Variants in ATXN1 observed in about 807,000 individuals in gnomAD.
ATXN1 encodes the protein ataxin-1.
Under a neutral mutation model 56.4 loss-of-function variants are expected in ATXN1, and 8 were observed. The observed-to-expected ratio is 0.14, with a 90% CI of 0.08 to 0.26. The LOEUF (loss-of-function observed/expected upper bound fraction) is 0.26, where lower values mean the gene tolerates loss of function less well. Among genes scored for constraint, ATXN1 ranks in the 10% least tolerant of loss-of-function variants. The probability of loss-of-function intolerance (pLI) is 1.00; values close to 1 mark genes in which losing one functional copy is unlikely to be tolerated. For synonymous variants in ATXN1, 514 were observed against 494.6 expected, an observed-to-expected ratio of 1.04 and a Z score of -0.52; for missense variants, 987 against 1,106.5, an observed-to-expected ratio of 0.89 and a Z score of 1.53.
intron 1 of ATXN1, among the ~76,000 whole-genome samples, chr6:16,754,361 C>T (rs1215880904): frequency 3.3e-5 from 5 of 152,070 alleles, no homozygotes; most frequent in East Asian, 3.9e-4. Flanking sequence ...CCTAAGCTCA[C>T]GCCAGGTAAC....
At chr6:16,650,838 C>G (rs1763880221) in intron 3 of ATXN1, among the ~76,000 whole-genome samples, 1 of 152,182 alleles carries the variant, frequency 6.6e-6, no homozygotes. Flanking sequence ...CTTTTTCTGT[C>G]TATAAATCCT....
At chr6:16,711,719 G>T (rs1759528597) in intron 2 of ATXN1, among the ~76,000 whole-genome samples, 1 of 152,018 alleles carries the variant, frequency 6.6e-6, no homozygotes, top group Non-Finnish European at 1.5e-5. Context: ...CCAGGCTCAA[G>T]TGATCCTCCC....
At chr6:16,468,773 G>A (rs1760159009) in intron 6 of ATXN1, among the ~76,000 whole-genome samples, 1 of 152,090 alleles carries the variant, frequency 6.6e-6, no homozygotes, top group Admixed American at 6.5e-5. Flanking sequence ...GCTGATATTG[G>A]AAATATTGAG....
chr6:16,405,249 T>C (rs778274803), intron 6 of ATXN1, among the ~76,000 whole-genome samples: 6 of 152,246 alleles, frequency 3.9e-5, no homozygotes, highest in Non-Finnish European at 7.3e-5. Context: ...ACACAGTCTC[T>C]ACCATTAAGG....
At chr6:16,557,776 T>C (rs976796379) in intron 4 of ATXN1, among the ~76,000 whole-genome samples, 1 of 152,124 alleles carries the variant, frequency 6.6e-6, no homozygotes, top group Non-Finnish European at 1.5e-5. Context: ...GACGGCCACC[T>C]AAAAAAATAT....
At chr6:16,344,490 C>A (rs746703326) in intron 6 of ATXN1, among the ~76,000 whole-genome samples, 1 of 152,202 alleles carries the variant, frequency 6.6e-6, no homozygotes, top group Non-Finnish European at 1.5e-5. Flanking sequence ...GGCAGAAGAA[C>A]GTAGAAGGAC....
At chr6:16,491,795 G>A (rs1760671031) in intron 5 of ATXN1, among the ~76,000 whole-genome samples, 1 of 152,090 alleles carries the variant, frequency 6.6e-6, no homozygotes, top group Non-Finnish European at 1.5e-5. Flanking sequence ...AGATTATCTT[G>A]GTGAGCCTGA....
intron 2 of ATXN1, among the ~76,000 whole-genome samples, chr6:16,736,114 A>T (rs1214074129): frequency 6.6e-6 from 1 of 152,246 alleles, no homozygotes; most frequent in East Asian, 1.9e-4. Flanking sequence ...AAACTCCAGA[A>T]TTCACTGATA....
At chr6:16,729,412 ACTT>A (rs1472917612) in intron 2 of ATXN1, among the ~76,000 whole-genome samples, 2 of 152,072 alleles carry the variant, frequency 1.3e-5, no homozygotes, top group African/African-American at 4.8e-5. Flanking sequence ...TCTCATCTAA[ACTT>A]GGGAGCTGCT....
chr6:16,605,946 G>GT (rs1762996962), intron 3 of ATXN1, among the ~76,000 whole-genome samples: 2 of 152,116 alleles, frequency 1.3e-5, no homozygotes, highest in Admixed American at 1.3e-4. Context: ...TGGGAAACAT[G>GT]TGAGACCCTA....
intron 6 of ATXN1, among the ~76,000 whole-genome samples, chr6:16,437,673 C>T (rs898413766): frequency 6.6e-6 from 1 of 152,198 alleles, no homozygotes; most frequent in Non-Finnish European, 1.5e-5. Context: ...TCTCTTCCTG[C>T]TTTAATTATA....
chr6:16,352,940 C>A (rs918993641), intron 6 of ATXN1, among the ~76,000 whole-genome samples: 1 of 152,134 alleles, frequency 6.6e-6, no homozygotes, highest in East Asian at 1.9e-4. Flanking sequence ...TGAACACAAG[C>A]ACTTCCATCC....
At chr6:16,715,727 T>C (rs1458396304) in intron 2 of ATXN1, among the ~76,000 whole-genome samples, 1 of 152,202 alleles carries the variant, frequency 6.6e-6, no homozygotes, top group Non-Finnish European at 1.5e-5. Context: ...AAATGTGGTC[T>C]CCCATATGTT....
chr6:16,457,551 T>C (rs1759903811), intron 6 of ATXN1, among the ~76,000 whole-genome samples: 1 of 152,114 alleles, frequency 6.6e-6, no homozygotes, highest in Non-Finnish European at 1.5e-5. Flanking sequence ...GGCCTTAATA[T>C]TATCTCTCTA....
rs547914318 is a variant in ATXN1 at position 16,535,905 on chromosome 6, T to G, written c.-360-13217A>C. 8.3e-4 allele frequency among the ~76,000 whole-genome samples: 126 copies of G among 152,312 alleles called. 3 individuals are homozygous for G. Among genetic ancestry groups the G allele is most frequent in the Non-Finnish European group, 2.4e-4 (16 of 68,032 alleles). On this transcript the variant is annotated intron_variant, in intron 4 of 7. Transcript: ENST00000436367. ...AGTACAGACTAATCATTTTGTGGAC[T>G]GTCCCTCAATTTGGGTTTTTCTGGC...
At chr6:16,554,180 A>T (rs965416239) in intron 4 of ATXN1, among the ~76,000 whole-genome samples, 4 of 152,260 alleles carry the variant, frequency 2.6e-5, no homozygotes, top group African/African-American at 9.6e-5. Flanking sequence ...GGCTAAAATG[A>T]TCAACTCCAC....
At chr6:16,440,649 A>AAAAAAAAAAAAAAAAAAAAAT in intron 6 of ATXN1, among the ~76,000 whole-genome samples, 1 of 113,700 alleles carries the variant, frequency 8.8e-6, no homozygotes, top group Non-Finnish European at 1.8e-5. Context: ...TTAAAAAAAA[A>AAAAAAAAAAAAAAAAAAAAAT]AAAGAAAAGA....
At chr6:16,560,069 G>T (rs566840124) in intron 4 of ATXN1, among the ~76,000 whole-genome samples, 1 of 152,098 alleles carries the variant, frequency 6.6e-6, no homozygotes, top group South Asian at 2.1e-4. Flanking sequence ...GTTGTAGCTG[G>T]AGATATGCCA....
At chr6:16,417,537 C>G (rs951338437) in intron 6 of ATXN1, among the ~76,000 whole-genome samples, 1 of 151,688 alleles carries the variant, frequency 6.6e-6, no homozygotes, top group Admixed American at 6.6e-5. Context: ...CTCCCAGGTT[C>G]AAGCGATTGT....
Sources: gnomAD v4.1 joint callset for allele counts (sites outside exome capture counted in the v4.1 genomes callset) on GRCh38, gnomAD v4.1.1 for gene constraint, MANE v1.5 for transcripts, NCBI Gene and HGNC (gene_info 2026-07-23, HGNC 2026-07-21) for gene names.